The following MYH2 variants were observed in gnomAD, a reference collection of about 807,000 sequenced individuals.
MYH2 encodes the protein myosin heavy chain 2, also known as myosin-2.
A neutral mutation model predicts 228.1 loss-of-function variants in MYH2; 139 were observed. The ratio of observed to expected loss-of-function variants is 0.61; its 90% CI spans 0.53 to 0.70. The LOEUF (loss-of-function observed/expected upper bound fraction) is 0.70. Ranked by LOEUF, MYH2 falls within the 30% of genes least tolerant of loss-of-function variation. The pLI, the probability that MYH2 is intolerant of heterozygous loss-of-function variation, is 0.00. For synonymous variants in MYH2, 796 were observed against 871.1 expected (o/e 0.91, Z 1.52); for missense variants, 1,809 against 2,357.5 (o/e 0.77, Z 4.82).
chr17:10,549,514 C>T (rs1161041062), intron 1 of MYH2, 97 bp from the exon 2 acceptor site: 2 of 152,324 alleles, frequency 1.3e-5, no homozygotes, highest in Admixed American at 6.5e-5. Context: ...ACAGAAGTAA[C>T]AAAATTCATA....
rs757080458 is a variant in MYH2, at chr17:10,543,968, C to T, written c.582G>A (p.Gln194=). ...CAGTAACTGCAATTGTTGCAAAGTACTGGATGACACGCTTGGTGTTCACAG... is the reference window on the plus strand; with the variant it reads ...CAGTAACTGCAATTGTTGCAAAGTATTGGATGACACGCTTGGTGTTCACAG... ...GKTVNTKRVI[Q]YFATIAVTGE... The change falls in exon 7 of 40, where the codon CAG becomes CAA. Residue 194 remains glutamine, a synonymous_variant. Coordinates refer to ENST00000245503, the MANE Select transcript of MYH2 (RefSeq NM_017534.6). The T allele has an allele frequency of 6.8e-6, 11 of 1,614,190 alleles. No homozygotes were observed. The East Asian group carries it at 2.5e-4, about 36-fold the overall frequency.
Position 10,523,418 on chromosome 17 carries a change from A to G in MYH2, c.5473-6T>C, listed in dbSNP as rs781072001. On this transcript the variant is annotated splice_region_variant and splice_polypyrimidine_tract_variant and intron_variant, in intron 37 of 39. Transcript: ENST00000245503. ...TCTCCTTCCAGCTCCCGTACCTGCA[A>G]ATAAGTAGGCTCTTAAGAACTTTGA... is the stretch of plus-strand genomic sequence containing the variant. 8 of 1,614,164 alleles carry G rather than the reference A, an allele frequency of 5.0e-6. No homozygotes were observed. The Admixed American group carries it at 5.0e-5, about 10-fold the overall frequency.
chr17:10,537,080 A>G lies in MYH2; in HGVS notation c.1897+153T>C, dbSNP rs907032474. 1.3e-5 allele frequency among the ~76,000 whole-genome samples: 2 copies of G among 152,196 alleles called. No individual in the cohort carries two copies. The highest frequency in any genetic ancestry group is 2.4e-5 in the African/African-American group (1 of 41,446). ...CCTGTCAGCAGTGGAGTGAGCCACA[A>G]ATGTATAATTACAAGGCTGCCTATC... On this transcript the variant is annotated intron_variant, in intron 16 of 39. Coordinates refer to ENST00000245503, the MANE Select transcript of MYH2 (RefSeq NM_017534.6). The surrounding 1 kb of genome is among the most constrained non-coding windows in gnomAD (Gnocchi z 4.0).
intron 14 of MYH2, among the ~76,000 whole-genome samples, chr17:10,538,628 G>A (rs1274976927): frequency 4.1e-5 from 6 of 147,182 alleles, no homozygotes; most frequent in African/African-American, 1.3e-4. Flanking sequence ...CTGGGCAACA[G>A]AGTGAGACTC....
intron 16 of MYH2, 90 bp from the exon 17 acceptor site, chr17:10,536,696 C>G (rs2073486047): frequency 1.6e-6 from 2 of 1,231,434 alleles, no homozygotes; most frequent in South Asian, 1.3e-5. Flanking sequence ...TCGAGTGGAG[C>G]CTTTTTTCTA....
At position 10,529,864 on chromosome 17, in the gene MYH2, C is replaced by T. The variant is rs143872329; in HGVS notation, c.2908G>A (p.Val970Ile). ...TCTGTGGCATGTTTCTCCTTCTCAACCTTGGCCAGTGTCAGCTCAAGGTCA... is the reference window on the plus strand; with the variant it reads ...TCTGTGGCATGTTTCTCCTTCTCAATCTTGGCCAGTGTCAGCTCAAGGTCA... ...IDDLELTLAK[V>I]EKEKHATENK... The change falls in exon 23 of 40, where the codon GTT becomes ATT. Residue 970 changes from valine to isoleucine, a missense_variant. By Grantham distance (29) the Val-to-Ile change is conservative (BLOSUM62 3). Coordinates refer to ENST00000245503, the MANE Select transcript of MYH2 (RefSeq NM_017534.6). 11,761 of 1,613,804 alleles carry T rather than the reference C, an allele frequency of 7.3e-3. 60 individuals carry two copies. Among genetic ancestry groups the T allele is most frequent in the Non-Finnish European group, 8.5e-3 (10,078 of 1,179,860 alleles).
chr17:10,535,878 GGAT>G (rs2073476963), intron 17 of MYH2, among the ~76,000 whole-genome samples: 1 of 152,184 alleles, frequency 6.6e-6, no homozygotes, highest in South Asian at 2.1e-4. Flanking sequence ...TTAAGAGCAA[GGAT>G]ACCATATTAG....
At chr17:10,548,760 T>C (rs1471347241) in intron 2 of MYH2, among the ~76,000 whole-genome samples, 1 of 152,202 alleles carries the variant, frequency 6.6e-6, no homozygotes, top group African/African-American at 2.4e-5. Context: ...TTCTATGTGA[T>C]CTGTAGGTTG....
At chr17:10,522,958 A>C in intron 39 of MYH2, 132 bp downstream of exon 39, 1 of 684,098 alleles carries the variant, frequency 1.5e-6, no homozygotes, top group Non-Finnish European at 2.6e-6. Context: ...CAAATGATAC[A>C]CAAGAATTAT....
At chr17:10,530,692 CA>C (rs2073414289) in intron 22 of MYH2, among the ~76,000 whole-genome samples, 1 of 152,176 alleles carries the variant, frequency 6.6e-6, no homozygotes, top group South Asian at 2.1e-4. Flanking sequence ...ATATACTCAT[CA>C]GTAATCCTCC....
chr17:10,549,555 G>C (rs1284459441), intron 1 of MYH2, 81 bp downstream of exon 1: 2 of 152,260 alleles, frequency 1.3e-5, no homozygotes, highest in Non-Finnish European at 2.9e-5. Context: ...AGAAGGAGCA[G>C]TACCAGAACT....
At position 10,527,036 on chromosome 17, in the gene MYH2, C is replaced by G. The variant is rs1046313955; in HGVS notation, c.3892G>C (p.Asp1298His). Residue 1298 changes from aspartate to histidine, a missense_variant, in exon 29 of 40, where the codon GAT (aspartate) becomes CAT (histidine). Asp to His is a moderately conservative substitution (Grantham distance 81). Coordinates refer to ENST00000245503, the MANE Select transcript of MYH2 (RefSeq NM_017534.6). ...TGAGACACCAGAGCTTCCTTTTCAT[C>G]AAGCTGGCGTGAAAACTCACCTGAT... The part of the protein sequence containing the change: ...TESGEFSRQL[D>H]EKEALVSQLS... 2.5e-6 allele frequency: 4 copies of G among 1,614,144 alleles called. No individual in the cohort carries two copies. Among genetic ancestry groups the G allele is most frequent in the Non-Finnish European group, 3.4e-6 (4 of 1,180,018 alleles).
At chr17:10,534,969 G>T in intron 19 of MYH2, 104 bp downstream of exon 19, 1 of 1,346,342 alleles carries the variant, frequency 7.4e-7, no homozygotes, top group Non-Finnish European at 1.1e-6. Flanking sequence ...TTCTTTTTGT[G>T]ACAAAACTAA....
In MYH2 at chr17:10,531,901, T is replaced by C; in HGVS notation, c.2442-13A>G. ...GAAGATGGCCTCCCTGAAATTTAATTGATGCAAATTAGTATTGTGTGGTTG... is the reference window on the plus strand; with the variant it reads ...GAAGATGGCCTCCCTGAAATTTAATCGATGCAAATTAGTATTGTGTGGTTG... On this transcript the variant is annotated splice_polypyrimidine_tract_variant and intron_variant, in intron 21 of 39. Coordinates refer to ENST00000245503, the MANE Select transcript of MYH2 (RefSeq NM_017534.6). 6.2e-7 allele frequency: 1 copy of C among 1,613,902 alleles called. No homozygotes were observed. Among genetic ancestry groups the C allele is most frequent in the Non-Finnish European group, 8.5e-7 (1 of 1,179,864 alleles).
At position 10,524,652 on chromosome 17, in the gene MYH2, C is replaced by T. The variant is rs61736461; in HGVS notation, c.4989G>A (p.Leu1663=). 988 of 1,614,214 alleles carry T rather than the reference C, an allele frequency of 6.1e-4. 2 individuals carry two copies. The African/African-American group carries it at 0.012, about 19-fold the overall frequency. Residue 1663 remains leucine, a synonymous_variant, in exon 35 of 40, where the codon CTG becomes CTA. Coordinates refer to ENST00000245503, the MANE Select transcript of MYH2 (RefSeq NM_017534.6). This position sits in a 1 kb window ranked among gnomAD's most constrained non-coding sequence, Gnocchi z 4.7. Reference sequence around the variant, plus strand: ...CCTCCTGGCTCCGGAGAGCATCATCCAGGTGGATCTGGGTATCCTGTGAAA... The same window carrying T: ...CCTCCTGGCTCCGGAGAGCATCATCTAGGTGGATCTGGGTATCCTGTGAAA... ...QGILKDTQIH[L]DDALRSQEDL... is the part of the protein sequence containing the mutation.
rs1426892693 is a variant in MYH2 at position 10,547,846 on chromosome 17, A to G, written c.75T>C (p.Ile25=). Reference sequence around the variant, plus strand: ...CATCAAAGGGCCTATTCTGGGCCTCAATGCGCTCCCTTTCAGACTTTCGGA... The same window carrying G: ...CATCAAAGGGCCTATTCTGGGCCTCGATGCGCTCCCTTTCAGACTTTCGGA... The part of the protein sequence containing the change: ...PFLRKSERER[I]EAQNRPFDAK... The change falls in exon 3 of 40, where the codon ATT becomes ATC. Residue 25 remains isoleucine (I), a synonymous_variant. Coordinates refer to ENST00000245503, the MANE Select transcript of MYH2 (RefSeq NM_017534.6). 6.2e-7 allele frequency: 1 copy of G among 1,614,184 alleles called. No individual in the cohort carries two copies. Among genetic ancestry groups the G allele is most frequent in the Non-Finnish European group, 8.5e-7 (1 of 1,180,038 alleles).
intron 28 of MYH2, 130 bp downstream of exon 28, chr17:10,527,618 G>T: frequency 1.4e-6 from 2 of 1,405,354 alleles, no homozygotes; most frequent in Non-Finnish European, 2.0e-6. Context: ...CATAGGTCAG[G>T]TGTCTGAGCT....
At chr17:10,539,885 T>C in intron 12 of MYH2, 43 bp downstream of exon 12, 1 of 1,613,346 alleles carries the variant, frequency 6.2e-7, no homozygotes, top group Non-Finnish European at 8.5e-7. Flanking sequence ...AAGAATGTGA[T>C]TTTCAAACAA....
Position 10,535,293 on chromosome 17 carries a change from C to A in MYH2, c.2047G>T (p.Glu683Ter). 1 of 1,614,148 alleles carries A rather than the reference C, an allele frequency of 6.2e-7. No individual in the cohort carries two copies. Among genetic ancestry groups the A allele is most frequent in the Non-Finnish European group, 8.5e-7 (1 of 1,180,028 alleles). ...AATTTCTTACCAGGAGTTTTTGTCT[C>A]ATTGGGGATGATACACCTCACAAAG... ...PHFVRCIIPN[E>*]TKTPGAMEHE... The change falls in exon 18 of 40, where the codon GAG becomes TAG. Residue 683 changes from glutamate (E) to a stop codon, truncating the protein, a stop_gained. Coordinates refer to ENST00000245503, the MANE Select transcript of MYH2 (RefSeq NM_017534.6). LOFTEE classifies it high-confidence loss of function.
Sources: allele counts gnomAD v4.1 joint callset (sites outside exome capture counted in the v4.1 genomes callset), GRCh38; gene constraint gnomAD v4.1.1; non-coding constraint Gnocchi (gnomAD v3.1); transcripts MANE v1.5; gene names NCBI Gene and HGNC (gene_info 2026-07-23, HGNC 2026-07-21).